Variants in PRKCA observed in about 807,000 individuals in gnomAD.
The protein encoded by PRKCA is protein kinase C alpha, also known as protein kinase C alpha type.
In PRKCA, 27 loss-of-function variants were observed where a neutral mutation model predicts 87.0. The ratio of observed to expected loss-of-function variants is 0.31; its 90% CI spans 0.23 to 0.43. The LOEUF is 0.43. PRKCA is among the 20% of genes least tolerant of loss of function. PRKCA has a pLI of 1.00. For synonymous variants in PRKCA, 329 were observed against 311.1 expected (o/e 1.06, Z -0.61); for missense variants, 518 against 852.3 (o/e 0.61, Z 4.88).
chr17:66,409,896 C>T (rs751016805), intron 2 of PRKCA, among the ~76,000 whole-genome samples: 26 of 152,100 alleles, frequency 1.7e-4, no homozygotes, highest in Non-Finnish European at 2.5e-4. Context: ...CCAGCCTGGG[C>T]GACAGAGTGA....
chr17:66,451,341 A>AGAAT (rs1444482299), intron 2 of PRKCA, among the ~76,000 whole-genome samples: 9 of 134,012 alleles, frequency 6.7e-5, no homozygotes, highest in African/African-American at 2.3e-4. Context: ...ATACGGAGTT[A>AGAAT]GAATTTATTT....
At chr17:66,586,713 T>C (rs1969608906) in intron 3 of PRKCA, among the ~76,000 whole-genome samples, 1 of 152,214 alleles carries the variant, frequency 6.6e-6, no homozygotes, top group Admixed American at 6.5e-5. Context: ...CCTAGGTGGC[T>C]CAGTGTTTTG....
chr17:66,592,023 A>G (rs1333959205), intron 3 of PRKCA, among the ~76,000 whole-genome samples: 1 of 152,164 alleles, frequency 6.6e-6, no homozygotes, highest in African/African-American at 2.4e-5. Context: ...TAGGATCAAC[A>G]TCAGAGTAAA....
At chr17:66,767,591 C>G (rs1203140481) in intron 13 of PRKCA, among the ~76,000 whole-genome samples, 1 of 152,156 alleles carries the variant, frequency 6.6e-6, no homozygotes, top group African/African-American at 2.4e-5. Flanking sequence ...CCACAGCAAT[C>G]CCTGAAATCT....
At chr17:66,656,720 C>G (rs1598850312) in intron 5 of PRKCA, among the ~76,000 whole-genome samples, 1 of 152,122 alleles carries the variant, frequency 6.6e-6, no homozygotes, top group Non-Finnish European at 1.5e-5. Context: ...GGTTCTCCAT[C>G]AAAAGGGTGG....
intron 12 of PRKCA, among the ~76,000 whole-genome samples, chr17:66,742,302 A>G (rs1209866224): frequency 6.6e-6 from 1 of 152,226 alleles, no homozygotes; most frequent in African/African-American, 2.4e-5. Flanking sequence ...TGGGACATGA[A>G]TAAATCAAAT....
At chr17:66,632,657 G>A (rs1019363864) in intron 3 of PRKCA, among the ~76,000 whole-genome samples, 1 of 152,056 alleles carries the variant, frequency 6.6e-6, no homozygotes, top group Admixed American at 6.5e-5. Flanking sequence ...TTACATAAAA[G>A]TCATTATATT....
intron 2 of PRKCA, among the ~76,000 whole-genome samples, chr17:66,411,901 C>T (rs1567815492): frequency 6.6e-6 from 1 of 151,538 alleles, no homozygotes; most frequent in Admixed American, 6.6e-5. Flanking sequence ...AAAAACCTTA[C>T]TTTTTATTAC....
intron 2 of PRKCA, among the ~76,000 whole-genome samples, chr17:66,445,430 AC>A (rs1913983020): frequency 6.6e-6 from 1 of 152,226 alleles, no homozygotes; most frequent in South Asian, 2.1e-4. Context: ...CAGAAGAATT[AC>A]CTCGGAGTAG....
intron 2 of PRKCA, among the ~76,000 whole-genome samples, chr17:66,482,590 G>T (rs901900712): frequency 4.6e-5 from 7 of 152,186 alleles, no homozygotes; most frequent in African/African-American, 1.2e-4. Flanking sequence ...TATTATTTGT[G>T]TGGGAACCCA....
chr17:66,735,650 C>T lies in PRKCA; in HGVS notation c.1218C>T (p.Cys406=). 6.2e-7 allele frequency: 1 copy of T among 1,613,962 alleles called. No homozygotes were observed. The highest frequency in any genetic ancestry group is 8.5e-7 in the Non-Finnish European group (1 of 1,179,908). The part of the protein sequence containing the change: ...KPPFLTQLHS[C]FQTVDRLYFV... ...CGTTCTTGACGCAGCTGCACTCCTG[C>T]TTCCAGACAGTGGTAAGGACCCTGG... The change falls in exon 10 of 17, where the codon TGC becomes TGT. Residue 406 remains cysteine, a synonymous_variant. Coordinates refer to ENST00000413366, the MANE Select transcript of PRKCA (RefSeq NM_002737.3).
chr17:66,385,103 G>A (rs1567801714), intron 2 of PRKCA, among the ~76,000 whole-genome samples: 2 of 152,300 alleles, frequency 1.3e-5, no homozygotes, highest in African/African-American at 4.8e-5. Context: ...TTGGGTGGTT[G>A]TGTAGTACAT....
intron 16 of PRKCA, among the ~76,000 whole-genome samples, chr17:66,798,386 G>GTGA (rs1975721631): frequency 9.7e-6 from 1 of 102,892 alleles, no homozygotes; most frequent in Non-Finnish European, 1.9e-5. Flanking sequence ...GGCGGTGGTG[G>GTGA]TGGTGGTGGT....
chr17:66,459,554 G>T (rs1914745872), intron 2 of PRKCA, among the ~76,000 whole-genome samples: 1 of 152,152 alleles, frequency 6.6e-6, no homozygotes, highest in Admixed American at 6.5e-5. Context: ...AATTCTTCTG[G>T]TGGAACACCT....
At chr17:66,684,269 G>A (rs149229428) in intron 5 of PRKCA, among the ~76,000 whole-genome samples, 1 of 152,266 alleles carries the variant, frequency 6.6e-6, no homozygotes, top group East Asian at 1.9e-4. Context: ...CACTTTACAT[G>A]GATGAGCCTA....
At chr17:66,483,451 T>TTTTTATTTTA (rs141810960) in intron 2 of PRKCA, among the ~76,000 whole-genome samples, 3,942 of 148,122 alleles carry the variant, frequency 0.027, 131 homozygotes, top group African/African-American at 0.083. Context: ...CTTGCCTTTA[T>TTTTTATTTTA]TTTTATTTTA....
At chr17:66,423,471 G>A (rs1276422191) in intron 2 of PRKCA, among the ~76,000 whole-genome samples, 6 of 152,126 alleles carry the variant, frequency 3.9e-5, no homozygotes, top group Non-Finnish European at 7.3e-5. Context: ...ACAATAGTTT[G>A]GAATGATATG....
At chr17:66,338,074 T>G (rs1248367205) in intron 2 of PRKCA, among the ~76,000 whole-genome samples, 2 of 140,138 alleles carry the variant, frequency 1.4e-5, no homozygotes, top group Non-Finnish European at 3.0e-5. Flanking sequence ...TTTAACCCGG[T>G]GAATTCCTCT....
At chr17:66,469,688 C>T (rs895867144) in intron 2 of PRKCA, among the ~76,000 whole-genome samples, 1 of 152,184 alleles carries the variant, frequency 6.6e-6, no homozygotes, top group African/African-American at 2.4e-5. Flanking sequence ...ATTGAGGAAA[C>T]ATTTGCAAGT....
Sources: allele counts gnomAD v4.1 joint callset (sites outside exome capture counted in the v4.1 genomes callset), GRCh38; gene constraint gnomAD v4.1.1; transcripts MANE v1.5; gene names NCBI Gene and HGNC (gene_info 2026-07-23, HGNC 2026-07-21).